Variants in CXCL13 observed in about 807,000 individuals in gnomAD.
CXCL13 encodes C-X-C motif chemokine ligand 13, also known as C-X-C motif chemokine 13.
In CXCL13, 7 loss-of-function variants were observed where a neutral mutation model predicts 12.2. The observed-to-expected ratio is 0.57, with a 90% CI of 0.33 to 1.07. CXCL13 has a LOEUF of 1.07. Ranked by LOEUF, CXCL13 falls within the 50% of genes least tolerant of loss-of-function variation. The pLI is 0.04. For missense variants in CXCL13, 113 were observed against 127.4 expected (o/e 0.89, Z 0.55); for synonymous variants, 47 against 42.4 (o/e 1.11, Z -0.42).
chr4:77,523,704 A>G (rs1389729155), intron 1 of CXCL13, among the ~76,000 whole-genome samples: 1 of 152,178 alleles, frequency 6.6e-6, no homozygotes. Flanking sequence ...TCTGAAGCCT[A>G]CTTCTGTCAA....
chr4:77,513,455 C>CTTTTTT (rs574725892), intron 1 of CXCL13, among the ~76,000 whole-genome samples: 1 of 144,736 alleles, frequency 6.9e-6, no homozygotes, highest in African/African-American at 2.5e-5. Context: ...TGTTTCCTGA[C>CTTTTTT]TTTTTTTTTT....
Position 77,585,097 on chromosome 4 carries a change from G to T in CXCL13, c.-42-20727G>T. ...TGAAGTAGAGCTCCAAATCACACAC[G>T]TCTGGCCACCATCTTACAGCATGAC... On this transcript the variant is annotated intron_variant, in intron 1 of 4. Transcript: ENST00000286758. 2.0e-5 allele frequency among the ~76,000 whole-genome samples: 3 copies of T among 152,126 alleles called. No homozygotes were observed. The South Asian group carries it at 6.2e-4, about 32-fold the overall frequency.
intron 1 of CXCL13, among the ~76,000 whole-genome samples, chr4:77,575,406 C>A (rs1726177081): frequency 6.6e-6 from 1 of 151,842 alleles, no homozygotes; most frequent in Admixed American, 6.5e-5. Context: ...ATCAACTCAT[C>A]ATTTACATTA....
chr4:77,514,699 G>A (rs999417425), intron 1 of CXCL13, among the ~76,000 whole-genome samples: 4 of 151,814 alleles, frequency 2.6e-5, no homozygotes, highest in African/African-American at 7.3e-5. Flanking sequence ...GTAGATTCTG[G>A]ATATTAGCCC....
intron 1 of CXCL13, among the ~76,000 whole-genome samples, chr4:77,531,952 G>T (rs561256370): frequency 6.6e-6 from 1 of 152,276 alleles, no homozygotes; most frequent in East Asian, 1.9e-4. Flanking sequence ...TGGTACGTGA[G>T]ATGGGTTTCC....
At chr4:77,527,922 C>T (rs1283515472) in intron 1 of CXCL13, among the ~76,000 whole-genome samples, 1 of 152,084 alleles carries the variant, frequency 6.6e-6, no homozygotes, top group African/African-American at 2.4e-5. Flanking sequence ...AATGCTATCC[C>T]TCCCCTATCC....
rs142782382 is a variant in CXCL13, at chr4:77,531,738, G to T, written c.-43+19950G>T. Among the ~76,000 whole-genome samples, 662 of 152,204 alleles carry T rather than the reference G, an allele frequency of 4.3e-3. 7 individuals are homozygous for T. Among genetic ancestry groups the T allele is most frequent in the African/African-American group, 0.015 (627 of 41,526 alleles). Reference sequence around the variant, plus strand: ...TGTGAATCTGGGTGCTCCTGTATTGGGTGAATATATATTTAGGATAGTTAG... The same window carrying T: ...TGTGAATCTGGGTGCTCCTGTATTGTGTGAATATATATTTAGGATAGTTAG... On this transcript the variant is annotated intron_variant, in intron 1 of 4. Coordinates refer to the CXCL13 transcript ENST00000286758.
intron 1 of CXCL13, among the ~76,000 whole-genome samples, chr4:77,574,142 T>A (rs1163260806): frequency 6.6e-6 from 1 of 151,964 alleles, no homozygotes; most frequent in African/African-American, 2.4e-5. Context: ...TAAAAAGTTT[T>A]ATGCTTTTTC....
At chr4:77,535,194 A>C (rs1221162917) in intron 1 of CXCL13, among the ~76,000 whole-genome samples, 2 of 152,234 alleles carry the variant, frequency 1.3e-5, no homozygotes, top group East Asian at 1.9e-4. Flanking sequence ...AACTGGGGGA[A>C]GAACTGGGGG....
Position 77,605,920 on chromosome 4 carries a change from C to T in CXCL13, c.55C>T (p.Pro19Ser), listed in dbSNP as rs767463762. The T allele has an allele frequency of 1.3e-5, 21 of 1,601,134 alleles. 1 individual carries two copies. In the South Asian group the frequency reaches 2.2e-4, roughly 17 times the overall value. The change falls in exon 1 of 4, where the codon CCA (proline) becomes TCA (serine). Residue 19 changes from proline (P) to serine (S), a missense_variant. Pro to Ser is a moderately conservative substitution (Grantham distance 74, BLOSUM62 -1). Transcript: ENST00000682537. The stretch of plus-strand genomic sequence containing the variant: ...CATGCTGCTGGTCAGCAGCCTCTCT[C>T]CAGTCCAAGGTGAGAAATTTCATTT... Reference protein sequence around the residue: ...LLMLLVSSLSPVQGVLEVYYT... With the variant: ...LLMLLVSSLSSVQGVLEVYYT...
upstream of CXCL13, among the ~76,000 whole-genome samples, chr4:77,604,324 C>G (rs1262495434): frequency 6.6e-6 from 1 of 152,166 alleles, no homozygotes; most frequent in African/African-American, 2.4e-5. Flanking sequence ...GAGGCTCCCC[C>G]TGCCCAATTC....
At chr4:77,515,557 C>T (rs907936227) in intron 1 of CXCL13, among the ~76,000 whole-genome samples, 1 of 152,098 alleles carries the variant, frequency 6.6e-6, no homozygotes, top group African/African-American at 2.4e-5. Context: ...GTATTTTATT[C>T]TCTTTGAAGC....
At chr4:77,526,237 A>G (rs1724762857) in intron 1 of CXCL13, among the ~76,000 whole-genome samples, 1 of 152,014 alleles carries the variant, frequency 6.6e-6, no homozygotes, top group African/African-American at 2.4e-5. Context: ...GGCAAATATT[A>G]AATAAACAAT....
chr4:77,590,621 C>T (rs924128893), intron 1 of CXCL13, among the ~76,000 whole-genome samples: 14 of 152,074 alleles, frequency 9.2e-5, no homozygotes, highest in Non-Finnish European at 2.1e-4. Context: ...TATAGAAAAC[C>T]GAATAGTCAA....
Position 77,544,117 on chromosome 4 carries a change from G to C in CXCL13, c.-43+32329G>C, listed in dbSNP as rs982517671. Among the ~76,000 whole-genome samples, 16 of 152,158 alleles carry C rather than the reference G, an allele frequency of 1.1e-4. 1 individual carries two copies. The highest frequency in any genetic ancestry group is 1.0e-3 in the Admixed American group (16 of 15,264). ...CTGCATAGTATTCCATGGAGTACATGTGCAACATTTTCTTAATCCAGTCTA... is the reference window on the plus strand; with the variant it reads ...CTGCATAGTATTCCATGGAGTACATCTGCAACATTTTCTTAATCCAGTCTA... On this transcript the variant is annotated intron_variant, in intron 1 of 4. Coordinates refer to the CXCL13 transcript ENST00000286758.
At chr4:77,514,731 G>A (rs1295962947) in intron 1 of CXCL13, among the ~76,000 whole-genome samples, 5 of 152,176 alleles carry the variant, frequency 3.3e-5, no homozygotes, top group African/African-American at 7.2e-5. Flanking sequence ...AGTAAGTTGC[G>A]AAAATTTTCT....
chr4:77,567,673 A>G (rs1033327101), intron 1 of CXCL13, among the ~76,000 whole-genome samples: 2 of 152,198 alleles, frequency 1.3e-5, no homozygotes, highest in African/African-American at 4.8e-5. Context: ...ACCTCTGGTC[A>G]TCCTCACTGC....
At chr4:77,516,777 T>C (rs1724432267) in intron 1 of CXCL13, among the ~76,000 whole-genome samples, 1 of 152,216 alleles carries the variant, frequency 6.6e-6, no homozygotes, top group African/African-American at 2.4e-5. Flanking sequence ...ATTCATTAAT[T>C]TTTTGAAGGG....
chr4:77,550,184 T>C (rs1422138031), intron 1 of CXCL13, among the ~76,000 whole-genome samples: 1 of 152,236 alleles, frequency 6.6e-6, no homozygotes, highest in Non-Finnish European at 1.5e-5. Flanking sequence ...TGCCACTTGC[T>C]AAGACCATTG....
Sources: gnomAD v4.1 joint callset for allele counts (sites outside exome capture counted in the v4.1 genomes callset) on GRCh38, gnomAD v4.1.1 for gene constraint, MANE v1.5 for transcripts, NCBI Gene and HGNC (gene_info 2026-07-23, HGNC 2026-07-21) for gene names.